BBS2: variants seen among roughly 807,000 people sequenced by gnomAD.
The protein encoded by BBS2 is BBSome complex member BBS2.
BBS2 carries 62 observed loss-of-function variants against 83.0 expected under a neutral mutation model. The observed-to-expected ratio is 0.75, with a 90% CI of 0.61 to 0.92. The LOEUF (loss-of-function observed/expected upper bound fraction) is 0.92, where lower values mean the gene tolerates loss of function less well. BBS2 is among the 40% of genes least tolerant of loss of function. The pLI, the probability that BBS2 is intolerant of heterozygous loss-of-function variation, is 0.00. For synonymous variants in BBS2, 303 were observed against 326.1 expected (o/e 0.93, Z 0.76); for missense variants, 784 against 901.0 (o/e 0.87, Z 1.66).
At chr16:56,477,649 T>C (rs1235279348) in intron 17 of BBS2, 1 of 152,222 alleles carries the variant, frequency 6.6e-6, no homozygotes, top group Non-Finnish European at 1.5e-5. Context: ...AGTTACATCA[T>C]AATTACCTGT....
chr16:56,495,531 C>T (rs1964091630), intron 15 of BBS2, among the ~76,000 whole-genome samples: 3 of 152,134 alleles, frequency 2.0e-5, no homozygotes, highest in East Asian at 3.9e-4. Context: ...AGAGAAGAGA[C>T]TGAGTGGGCA....
chr16:56,486,832 G>A (rs1475756651), intron 15 of BBS2, among the ~76,000 whole-genome samples: 1 of 145,142 alleles, frequency 6.9e-6, no homozygotes, highest in African/African-American at 2.6e-5. Flanking sequence ...GCACGATCTC[G>A]GATCACTGCA....
intron 11 of BBS2, 199 bp from the exon 12 acceptor site, chr16:56,500,106 T>A (rs187297996): frequency 4.7e-4 from 267 of 572,332 alleles, no homozygotes; most frequent in African/African-American, 4.2e-3. Context: ...AGCATGAGTC[T>A]ACATATATAC....
intron 17 of BBS2, among the ~76,000 whole-genome samples, chr16:56,473,703 A>AT (rs1226175104): frequency 2.2e-4 from 29 of 134,488 alleles, no homozygotes; most frequent in South Asian, 4.6e-4. Flanking sequence ...TGGTTACTTG[A>AT]TTTTTTTTTT....
rs1177705335 is a variant in BBS2 at position 56,493,383 on chromosome 16, C to CAA, written c.1910+3582_1910+3583dup. ...CCTGGGTGACAGCAAGACCTTGTCT[C>CAA]AAAAAAAAAAAAAAAAAAAAAAAAA... On this transcript the variant is annotated intron_variant, in intron 15 of 16. Coordinates refer to ENST00000245157, the MANE Select transcript of BBS2 (RefSeq NM_031885.5). Among the ~76,000 whole-genome samples, 62 of 23,984 alleles carry CAA rather than the reference C, an allele frequency of 2.6e-3. 1 individual carries two copies. Among genetic ancestry groups the CAA allele is most frequent in the African/African-American group, 4.3e-3 (43 of 9,944 alleles). 15.7% of individuals were successfully genotyped at this position (23,984 alleles called of 152,430 possible).
chr16:56,487,877 T>C lies in BBS2; in HGVS notation c.1911-2139A>G, dbSNP rs182985925. On this transcript the variant is annotated intron_variant, in intron 15 of 16. Transcript: ENST00000245157. Reference sequence around the variant, plus strand: ...TTGAAACATACAAAACATCCATACATGAAAGAATGGCACCATCACTGGTAG... The same window carrying C: ...TTGAAACATACAAAACATCCATACACGAAAGAATGGCACCATCACTGGTAG... Among the ~76,000 whole-genome samples the C allele has an allele frequency of 1.4e-4, 22 of 152,042 alleles. No individual in the cohort carries two copies. In the East Asian group the frequency reaches 3.9e-3, roughly 27 times the overall value.
intron 15 of BBS2, among the ~76,000 whole-genome samples, chr16:56,494,326 A>G (rs1964050540): frequency 6.6e-6 from 1 of 151,962 alleles, no homozygotes. Context: ...CGAAGAGCCT[A>G]TATTCATAAA....
intron 1 of BBS2, among the ~76,000 whole-genome samples, chr16:56,518,430 C>T (rs1228679291): frequency 2.6e-5 from 4 of 152,160 alleles, no homozygotes; most frequent in Admixed American, 2.6e-4. Context: ...AAGTGAGAAC[C>T]ATAAAAAGAA....
intron 17 of BBS2, chr16:56,474,867 G>A: frequency 6.2e-7 from 1 of 1,612,876 alleles, no homozygotes; most frequent in South Asian, 1.1e-5. Flanking sequence ...CTGAGGCATT[G>A]GAAGACCGGT....
intron 17 of BBS2, chr16:56,476,390 A>C: frequency 2.5e-6 from 1 of 396,276 alleles, no homozygotes; most frequent in Non-Finnish European, 4.4e-6. Context: ...GCAGCTAAGT[A>C]CTTATCTCTT....
chr16:56,502,404 G>C lies in BBS2; in HGVS notation c.993C>G (p.Thr331=), dbSNP rs1964300336. The change falls in exon 9 of 17, where the codon ACC becomes ACG. Residue 331 remains threonine (T), a synonymous_variant. Coordinates refer to ENST00000245157, the MANE Select transcript of BBS2 (RefSeq NM_031885.5). ...CTCGGATCAGGTCCTGCTCTGCACT[G>C]GTGTCCATGAGGTTGCCCCTCATCT... ...TAEMRGNLMD[T]SAEQDLIREL... is the part of the protein sequence containing the mutation. The C allele has an allele frequency of 6.2e-7, 1 of 1,614,070 alleles. No individual in the cohort carries two copies. Among genetic ancestry groups the C allele is most frequent in the Non-Finnish European group, 8.5e-7 (1 of 1,180,050 alleles).
chr16:56,515,222 T>C (rs1215737379), intron 1 of BBS2, among the ~76,000 whole-genome samples: 5 of 152,216 alleles, frequency 3.3e-5, no homozygotes, highest in South Asian at 2.1e-4. Context: ...ACCAGTGACA[T>C]AGAACTAAGT....
chr16:56,486,443 A>C (rs1174011287), intron 15 of BBS2, among the ~76,000 whole-genome samples: 1 of 152,262 alleles, frequency 6.6e-6, no homozygotes, highest in Admixed American at 6.5e-5. Context: ...CAAAGTCTGG[A>C]AACAACCCAA....
At chr16:56,506,347 T>G in intron 5 of BBS2, 123 bp from the exon 6 acceptor site, 9 of 741,454 alleles carry the variant, frequency 1.2e-5, no homozygotes, top group Non-Finnish European at 1.7e-5. Context: ...TAAAAGCGCT[T>G]CCAATCCATT....
At chr16:56,474,176 C>T (rs756871990) in intron 17 of BBS2, among the ~76,000 whole-genome samples, 3 of 151,988 alleles carry the variant, frequency 2.0e-5, no homozygotes, top group Non-Finnish European at 4.4e-5. Flanking sequence ...TGCCTTTCCT[C>T]GTTTCTACTT....
rs191867233 is a variant in BBS2 at position 56,519,752 on chromosome 16, C to A, written c.111G>T (p.Thr37=). 2.5e-6 allele frequency: 4 copies of A among 1,612,950 alleles called. No individual in the cohort carries two copies. The highest frequency in any genetic ancestry group is 3.4e-6 in the Non-Finnish European group (4 of 1,179,290). ...TGCGGGTGGGAGCGGTTACCTTGCC[C>A]GTTTGGGTGGCGGCCGCCAGGCACG... is the stretch of plus-strand genomic sequence containing the variant. ...THPCLAAATQ[T]GKVFIHNPHT... The change falls in exon 1 of 17, where the codon ACG becomes ACT. Residue 37 remains threonine, a synonymous_variant. Coordinates refer to ENST00000245157, the MANE Select transcript of BBS2 (RefSeq NM_031885.5).
Position 56,509,891 on chromosome 16 carries a change from TG to T in BBS2, c.612+65del, listed in dbSNP as rs1964529327. 5.2e-6 allele frequency: 8 copies of T among 1,537,784 alleles called. No homozygotes were observed. The East Asian group carries it at 1.6e-4, about 30-fold the overall frequency. On this transcript the variant is annotated intron_variant, in intron 5 of 16. Coordinates refer to ENST00000245157, the MANE Select transcript of BBS2 (RefSeq NM_031885.5). Reference sequence around the variant, plus strand: ...GAGATGCCCCAGCACTCTCACTTGATGTTTCATCTGACAGTACTGATCTATC... The same window carrying T: ...GAGATGCCCCAGCACTCTCACTTGATTTTCATCTGACAGTACTGATCTATC...
downstream of BBS2, among the ~76,000 whole-genome samples, chr16:56,479,999 G>A (rs1963621642): frequency 6.6e-6 from 1 of 152,192 alleles, no homozygotes; most frequent in African/African-American, 2.4e-5. Context: ...GCATTGGACA[G>A]GAAGAGAACA....
intron 3 of BBS2, 62 bp downstream of exon 3, chr16:56,511,097 A>C (rs1393395153): frequency 6.2e-7 from 1 of 1,608,560 alleles, no homozygotes; most frequent in Non-Finnish European, 8.5e-7. Flanking sequence ...TTGGTGGTTA[A>C]AAAAGAACAT....
Sources: gnomAD v4.1 joint callset for allele counts (sites outside exome capture counted in the v4.1 genomes callset) on GRCh38, gnomAD v4.1.1 for gene constraint, MANE v1.5 for transcripts, NCBI Gene and HGNC (gene_info 2026-07-23, HGNC 2026-07-21) for gene names.